RPAP2: variants seen among roughly 807,000 people sequenced by gnomAD.
RPAP2 encodes the protein RNA polymerase II associated protein 2, also known as putative RNA polymerase II subunit B1 CTD phosphatase RPAP2.
Under a neutral mutation model 73.1 loss-of-function variants are expected in RPAP2, and 52 were observed. The ratio of observed to expected loss-of-function variants is 0.71; its 90% CI spans 0.57 to 0.90. The LOEUF (loss-of-function observed/expected upper bound fraction) is 0.90, where lower values mean the gene tolerates loss of function less well. RPAP2 is among the 40% of genes least tolerant of loss of function. RPAP2 has a pLI of 0.00. For missense variants in RPAP2, 598 were observed against 701.8 expected, an observed-to-expected ratio of 0.85 and a Z score of 1.67; for synonymous variants, 225 against 242.1, an observed-to-expected ratio of 0.93 and a Z score of 0.65.
At chr1:92,319,967 C>A (rs1045775354) in intron 6 of RPAP2, among the ~76,000 whole-genome samples, 5 of 148,576 alleles carry the variant, frequency 3.4e-5, no homozygotes, top group Admixed American at 6.8e-5. Flanking sequence ...CATTGCACTC[C>A]AGCCTGGGCA....
chr1:92,345,419 G>A (rs1571099539), intron 10 of RPAP2, among the ~76,000 whole-genome samples: 1 of 111,376 alleles, frequency 9.0e-6, no homozygotes, highest in African/African-American at 3.2e-5. Context: ...AGAGAAGAAA[G>A]AAAGAGAGGA....
At chr1:92,365,631 G>A (rs531024887) in intron 11 of RPAP2, among the ~76,000 whole-genome samples, 15 of 152,310 alleles carry the variant, frequency 9.8e-5, no homozygotes, top group South Asian at 2.1e-4. Context: ...TTCTAAAATC[G>A]TTAATAGTTT....
At chr1:92,369,716 T>G (rs1420556656) in intron 11 of RPAP2, among the ~76,000 whole-genome samples, 1 of 151,964 alleles carries the variant, frequency 6.6e-6, no homozygotes, top group Non-Finnish European at 1.5e-5. Context: ...ATTAAACAGG[T>G]AAGTAATTAG....
chr1:92,312,980 C>A (rs1374288266), intron 6 of RPAP2, among the ~76,000 whole-genome samples: 1 of 152,196 alleles, frequency 6.6e-6, no homozygotes, highest in Non-Finnish European at 1.5e-5. Flanking sequence ...ATTCTCATGC[C>A]TCAGCCTCCC....
chr1:92,361,112 CACACAT>C (rs1035461993), intron 11 of RPAP2, among the ~76,000 whole-genome samples: 13 of 60,494 alleles, frequency 2.1e-4, no homozygotes, highest in African/African-American at 7.1e-4. Context: ...TACACACACA[CACACAT>C]ATATATATAT....
chr1:92,345,455 CAG>C (rs1491496284), intron 10 of RPAP2, among the ~76,000 whole-genome samples: 1 of 78,176 alleles, frequency 1.3e-5, no homozygotes, highest in East Asian at 3.3e-4. Context: ...GAGGGAGGGA[CAG>C]AGGGAGGGAG....
At position 92,393,474 on chromosome 1, in the gene RPAP2, G is replaced by A. The variant is rs1018533032; in HGVS notation, c.*6463G>A. Reference sequence around the variant, plus strand: ...AGCAATGGCAACAAAAGCCAAAATTGACAAATGGGTTCTAATTAAAGAGCT... The same window carrying A: ...AGCAATGGCAACAAAAGCCAAAATTAACAAATGGGTTCTAATTAAAGAGCT... On this transcript the variant is annotated 3_prime_UTR_variant, in exon 13 of 13. Transcript: ENST00000610020. 1 of 152,188 alleles carries A rather than the reference G, an allele frequency of 6.6e-6. No homozygotes were observed. Among genetic ancestry groups the A allele is most frequent in the Non-Finnish European group, 1.5e-5 (1 of 68,072 alleles). The allele number at this position is 152,188 out of a possible 1,614,324, so 9.4% of individuals were successfully genotyped here. A position where few individuals can be genotyped will look rare whatever the true frequency, so the allele number is the denominator to read the frequency against.
chr1:92,316,048 G>A (rs549262658), intron 6 of RPAP2, among the ~76,000 whole-genome samples: 17 of 152,326 alleles, frequency 1.1e-4, no homozygotes, highest in African/African-American at 4.1e-4. Context: ...TTGGCTAAAT[G>A]TAGGCTCTGA....
At chr1:92,339,744 A>T (rs1653499715) in intron 10 of RPAP2, among the ~76,000 whole-genome samples, 1 of 152,148 alleles carries the variant, frequency 6.6e-6, no homozygotes, top group Non-Finnish European at 1.5e-5. Flanking sequence ...AGCCGGGCAC[A>T]GTGGCTCATG....
chr1:92,337,345 A>G (rs1349397833), intron 10 of RPAP2, among the ~76,000 whole-genome samples: 1 of 152,148 alleles, frequency 6.6e-6, no homozygotes, highest in Non-Finnish European at 1.5e-5. Context: ...AACACCTAAT[A>G]GACATCATTT....
At chr1:92,303,883 CTG>C in intron 3 of RPAP2, 92 bp from the exon 4 acceptor site, 1 of 756,990 alleles carries the variant, frequency 1.3e-6, no homozygotes, top group Non-Finnish European at 2.1e-6. Context: ...ATTGCTATCC[CTG>C]TGTTTTCAGA....
intron 12 of RPAP2, among the ~76,000 whole-genome samples, chr1:92,383,200 C>T (rs1291848425): frequency 5.3e-5 from 8 of 151,962 alleles, no homozygotes; most frequent in East Asian, 1.9e-4. Context: ...AGTCAGGTAG[C>T]GTGATGCCTC....
intron 11 of RPAP2, among the ~76,000 whole-genome samples, chr1:92,346,779 T>C (rs1653925960): frequency 6.6e-6 from 1 of 152,204 alleles, no homozygotes; most frequent in African/African-American, 2.4e-5. Flanking sequence ...TAAGGCTATT[T>C]ATCAATAGGG....
intron 5 of RPAP2, among the ~76,000 whole-genome samples, chr1:92,304,628 TAG>T (rs982333718): frequency 6.6e-5 from 10 of 152,156 alleles, no homozygotes; most frequent in Non-Finnish European, 1.2e-4. Context: ...TGGAACAGAA[TAG>T]AGAGTCAGCA....
intron 7 of RPAP2, among the ~76,000 whole-genome samples, chr1:92,321,746 TA>T (rs537644942): frequency 6.6e-6 from 1 of 152,130 alleles, no homozygotes; most frequent in South Asian, 2.1e-4. Context: ...AAATATCTTT[TA>T]TTGAAAAATG....
intron 6 of RPAP2, among the ~76,000 whole-genome samples, chr1:92,309,876 T>C (rs1651488167): frequency 6.6e-6 from 1 of 152,220 alleles, no homozygotes; most frequent in African/African-American, 2.4e-5. Context: ...AGGGCCAGGC[T>C]GAGTGTGGTA....
chr1:92,370,716 C>G (rs75859797), intron 11 of RPAP2, among the ~76,000 whole-genome samples: 7,299 of 151,628 alleles, frequency 0.048, 607 homozygotes, highest in African/African-American at 0.17. Flanking sequence ...AAAAAAAACA[C>G]GGGGGTGGGG....
chr1:92,355,520 C>T (rs1211931733), intron 11 of RPAP2, among the ~76,000 whole-genome samples: 1 of 152,150 alleles, frequency 6.6e-6, no homozygotes, highest in Non-Finnish European at 1.5e-5. Context: ...GTGACACTGT[C>T]CAAGTGTTAT....
rs902955511 is a variant in RPAP2 at position 92,393,285 on chromosome 1, A to G, written c.*6274A>G. The G allele has an allele frequency of 6.6e-6, 1 of 152,206 alleles. No homozygotes were observed. The highest frequency in any genetic ancestry group is 6.5e-5 in the Admixed American group (1 of 15,278). 9.4% of individuals were successfully genotyped at this position (152,206 alleles called of 1,614,324 possible). ...GGAAAACGGGCTAGCCATATGCAGA[A>G]AACTGTAACTGGACCCTTTCCTTAC... is the stretch of plus-strand genomic sequence containing the variant. On this transcript the variant is annotated 3_prime_UTR_variant, in exon 13 of 13. Coordinates refer to ENST00000610020, the MANE Select transcript of RPAP2 (RefSeq NM_024813.3).
Sources: allele counts gnomAD v4.1 joint callset (sites outside exome capture counted in the v4.1 genomes callset), GRCh38; gene constraint gnomAD v4.1.1; transcripts MANE v1.5; gene names NCBI Gene and HGNC (gene_info 2026-07-23, HGNC 2026-07-21).